Variants in FCRL4 observed in about 807,000 individuals in gnomAD.
FCRL4 encodes the protein Fc receptor like 4.
Under a neutral mutation model 64.1 loss-of-function variants are expected in FCRL4, and 43 were observed. The ratio of observed to expected loss-of-function variants is 0.67; its 90% confidence interval spans 0.53 to 0.87. FCRL4 has a LOEUF of 0.87. FCRL4 is among the 40% of genes least tolerant of loss of function. The pLI is 0.00. For synonymous variants in FCRL4, 253 were observed against 239.8 expected (o/e 1.05, Z -0.51); for missense variants, 656 against 613.5 (o/e 1.07, Z -0.73).
At position 157,580,369 on chromosome 1, in the gene FCRL4, G is replaced by T. The variant is rs375255312; in HGVS notation, c.1250-21C>A. The T allele has an allele frequency of 6.2e-6, 10 of 1,613,834 alleles. No homozygotes were observed. The African/African-American group carries it at 6.7e-5, about 11-fold the overall frequency. On this transcript the variant is annotated intron_variant, in intron 7 of 11. Transcript: ENST00000271532. ...AACTCCTGCAAAATAAAGCAAAGAC[G>T]CATTTTTGTCAGCAGAGGGAGCTCT... is the stretch of plus-strand genomic sequence containing the variant.
At chr1:157,588,492 G>A (rs879003860) in intron 3 of FCRL4, among the ~76,000 whole-genome samples, 4 of 152,214 alleles carry the variant, frequency 2.6e-5, no homozygotes, top group African/African-American at 9.6e-5. Context: ...AACTACATGA[G>A]GATCTCTTCC....
chr1:157,585,676 C>T (rs958491358), intron 6 of FCRL4, among the ~76,000 whole-genome samples: 1 of 152,092 alleles, frequency 6.6e-6, no homozygotes, highest in Non-Finnish European at 1.5e-5. Context: ...GACCCACATA[C>T]AATTTGGCTG....
intron 3 of FCRL4, 124 bp from the exon 4 acceptor site, chr1:157,588,243 C>T: frequency 9.1e-7 from 1 of 1,094,670 alleles, no homozygotes; most frequent in Non-Finnish European, 1.3e-6. Flanking sequence ...CTGATCCAAG[C>T]TCACGAAACT....
intron 6 of FCRL4, among the ~76,000 whole-genome samples, chr1:157,584,344 C>T (rs890363441): frequency 4.0e-5 from 6 of 151,852 alleles, no homozygotes; most frequent in Non-Finnish European, 5.9e-5. Flanking sequence ...GACTGGGCAA[C>T]GTAGTGAGAA....
chr1:157,589,819 A>G (rs2101685017), intron 2 of FCRL4, among the ~76,000 whole-genome samples: 1 of 152,278 alleles, frequency 6.6e-6, no homozygotes, highest in Non-Finnish European at 1.5e-5. Flanking sequence ...TTGTTGTTAC[A>G]GAGACCTCTC....
Position 157,586,410 on chromosome 1 carries a change from C to T in FCRL4, c.893G>A (p.Gly298Asp), listed in dbSNP as rs542587503. ...CAGCATCTCCCCTTCAACAGCCTGG[C>T]CCCCTGAGGGCTGGGTCTCCAGGAG... ...GVLLETQPSG[G>D]QAVEGEMLVL... The change falls in exon 6 of 12, where the codon GGC becomes GAC. Residue 298 changes from glycine to aspartate, a missense_variant. Coordinates refer to ENST00000271532, the MANE Select transcript of FCRL4 (RefSeq NM_031282.3). The T allele has an allele frequency of 9.9e-6, 16 of 1,612,328 alleles. No homozygotes were observed. Among genetic ancestry groups the T allele is most frequent in the African/African-American group, 6.7e-5 (5 of 74,888 alleles).
chr1:157,580,143 T>C (rs1328802334), intron 8 of FCRL4, among the ~76,000 whole-genome samples, 178 bp downstream of exon 8: 1 of 152,258 alleles, frequency 6.6e-6, no homozygotes, highest in East Asian at 1.9e-4. Flanking sequence ...TTGCAAACTA[T>C]TAGCTGACAA....
chr1:157,593,430 G>T (rs1363455687), intron 2 of FCRL4, among the ~76,000 whole-genome samples: 1 of 152,174 alleles, frequency 6.6e-6, no homozygotes, highest in East Asian at 1.9e-4. Context: ...ACAGAAGTTT[G>T]TTTCCCTTCA....
chr1:157,584,181 A>G (rs901790574), intron 6 of FCRL4, among the ~76,000 whole-genome samples: 3 of 152,162 alleles, frequency 2.0e-5, no homozygotes, highest in African/African-American at 7.2e-5. Context: ...TTCCTGCAGA[A>G]GAAACACCCT....
intron 7 of FCRL4, among the ~76,000 whole-genome samples, 168 bp downstream of exon 7, chr1:157,581,363 A>G (rs1652554791): frequency 6.6e-6 from 1 of 152,172 alleles, no homozygotes; most frequent in Non-Finnish European, 1.5e-5. Context: ...TCTGTTTGCA[A>G]AACTGCCCCT....
chr1:157,586,306 C>G lies in FCRL4; in HGVS notation c.997G>C (p.Gly333Arg). ...CTCAGGGAACGCTGAGTTTTCCTCC[C>G]CAGACTCTCCTGCATGTCCTCTCGG... Reference protein sequence around the residue: ...WHREDMQESLGRKTQRSLRAE... With the variant: ...WHREDMQESLRRKTQRSLRAE... The change falls in exon 6 of 12, where the codon GGG (glycine) becomes CGG (arginine). Residue 333 changes from glycine to arginine, a missense_variant. Physicochemically the swap from Gly to Arg is moderately radical, Grantham distance 125. Transcript: ENST00000271532. 6.2e-7 allele frequency: 1 copy of G among 1,613,890 alleles called. No individual in the cohort carries two copies. The highest frequency in any genetic ancestry group is 8.5e-7 in the Non-Finnish European group (1 of 1,179,964).
intron 5 of FCRL4, 44 bp from the exon 6 acceptor site, chr1:157,586,499 G>T: frequency 1.3e-6 from 2 of 1,559,272 alleles, no homozygotes; most frequent in South Asian, 1.2e-5. Context: ...GTGTGAAGGA[G>T]GGCAGGGCTA....
At position 157,575,366 on chromosome 1, in the gene FCRL4, C is replaced by A; in HGVS notation, c.*158G>T. 1.6e-6 allele frequency: 1 copy of A among 631,648 alleles called. No homozygotes were observed. The highest frequency in any genetic ancestry group is 1.9e-5 in the South Asian group (1 of 52,654). 39.1% of individuals were successfully genotyped at this position (631,648 alleles called of 1,614,324 possible). ...CATTCCATCCCAACATCAGAGTAGA[C>A]GAATGAGTATTCCTGGGAGTGAATG... On this transcript the variant is annotated 3_prime_UTR_variant, in exon 12 of 12. Coordinates refer to ENST00000271532, the MANE Select transcript of FCRL4 (RefSeq NM_031282.3).
In FCRL4 at chr1:157,574,100, GT is replaced by G. The variant is rs1390927494; in HGVS notation, c.*1423del. On this transcript the variant is annotated 3_prime_UTR_variant, in exon 12 of 12. Transcript: ENST00000271532. ...TCAAATCAGCGTAGTTGGGATATCT[GT>G]CACCTTAAATATTCGTCTTTTCTTT... The G allele has an allele frequency of 4.6e-6, 1 of 216,996 alleles. No individual in the cohort carries two copies. The highest frequency in any genetic ancestry group is 9.3e-6 in the Non-Finnish European group (1 of 108,030). The allele number at this position is 216,996 out of a possible 1,614,324, so 13.4% of individuals were successfully genotyped here. A position where few individuals can be genotyped will look rare whatever the true frequency, so the allele number is the denominator to read the frequency against.
intron 1 of FCRL4, among the ~76,000 whole-genome samples, chr1:157,597,113 A>G (rs954433822): frequency 1.3e-5 from 2 of 152,106 alleles, no homozygotes; most frequent in African/African-American, 4.8e-5. Context: ...TTGAGGTTCT[A>G]TTGAGAATGT....
intron 3 of FCRL4, among the ~76,000 whole-genome samples, chr1:157,588,505 G>C (rs1652760414): frequency 6.6e-6 from 1 of 152,228 alleles, no homozygotes; most frequent in African/African-American, 2.4e-5. Context: ...TCTCTTCCTG[G>C]ACATTGGAGT....
chr1:157,582,145 G>A (rs1436286119), intron 6 of FCRL4, among the ~76,000 whole-genome samples: 4 of 152,206 alleles, frequency 2.6e-5, no homozygotes, highest in Non-Finnish European at 5.9e-5. Flanking sequence ...TGTGTGCTCT[G>A]AAGGGCAGGA....
At chr1:157,587,212 C>T in intron 5 of FCRL4, 64 bp downstream of exon 5, 4 of 1,569,300 alleles carry the variant, frequency 2.5e-6, no homozygotes, top group Admixed American at 1.7e-5. Flanking sequence ...TACATAGTCC[C>T]CATGCCTACA....
Position 157,573,899 on chromosome 1 carries a change from T to G in FCRL4, c.*1625A>C, listed in dbSNP as rs1004686492. The G allele has an allele frequency of 1.5e-5, 3 of 194,062 alleles. No individual in the cohort carries two copies. Among genetic ancestry groups the G allele is most frequent in the Non-Finnish European group, 3.2e-5 (3 of 93,190 alleles). 12.0% of individuals were successfully genotyped at this position (194,062 alleles called of 1,614,324 possible). On this transcript the variant is annotated 3_prime_UTR_variant, in exon 12 of 12. Transcript: ENST00000271532. ...ATTAGTATACAAATTTTTCTTAGTATTTCGTAGGTAGTTTTATTTTTTCTT... is the reference window on the plus strand; with the variant it reads ...ATTAGTATACAAATTTTTCTTAGTAGTTCGTAGGTAGTTTTATTTTTTCTT...
Sources: gnomAD v4.1 joint callset for allele counts (sites outside exome capture counted in the v4.1 genomes callset) on GRCh38, gnomAD v4.1.1 for gene constraint, MANE v1.5 for transcripts, NCBI Gene and HGNC (gene_info 2026-07-23, HGNC 2026-07-21) for gene names.